G3BP2: variants seen among roughly 807,000 people sequenced by gnomAD.
G3BP2 encodes the protein G3BP stress granule assembly factor 2.
A neutral mutation model predicts 56.7 loss-of-function variants in G3BP2; 11 were observed. The ratio of observed to expected loss-of-function variants is 0.19; its 90% CI spans 0.12 to 0.32. The LOEUF (loss-of-function observed/expected upper bound fraction) is 0.32. Ranked by LOEUF, G3BP2 falls within the 10% of genes least tolerant of loss-of-function variation. The probability of loss-of-function intolerance (pLI) is 1.00; values close to 1 mark genes in which losing one functional copy is unlikely to be tolerated. For missense variants in G3BP2, 340 were observed against 610.9 expected (o/e 0.56, Z 4.67); for synonymous variants, 165 against 191.6 (o/e 0.86, Z 1.15).
chr4:75,654,496 T>C (rs1477813785), intron 7 of G3BP2, among the ~76,000 whole-genome samples: 1 of 152,204 alleles, frequency 6.6e-6, no homozygotes, highest in Non-Finnish European at 1.5e-5. Flanking sequence ...AACTCTGACA[T>C]TCACAAATTG....
intron 2 of G3BP2, among the ~76,000 whole-genome samples, chr4:75,721,517 C>T (rs111313404): frequency 0.012 from 1,816 of 152,234 alleles, 29 homozygotes; most frequent in African/African-American, 0.042. Flanking sequence ...CTTGGCCTCC[C>T]AAAGTGCTGG....
At chr4:75,717,330 C>T (rs552748981) in intron 3 of G3BP2, among the ~76,000 whole-genome samples, 258 of 152,182 alleles carry the variant, frequency 1.7e-3, no homozygotes, top group South Asian at 5.6e-3. Context: ...GTCCCAGCTA[C>T]GCAGGAGGCT....
At chr4:75,653,570 G>GTT (rs1201093120) in intron 8 of G3BP2, among the ~76,000 whole-genome samples, 5 of 72,384 alleles carry the variant, frequency 6.9e-5, no homozygotes, top group Admixed American at 3.0e-4. Flanking sequence ...AAGTTTCCTG[G>GTT]TTTTTTTTTT....
intron 3 of G3BP2, among the ~76,000 whole-genome samples, chr4:75,701,004 T>C (rs1719322687): frequency 6.7e-6 from 1 of 150,122 alleles, no homozygotes; most frequent in South Asian, 2.1e-4. Flanking sequence ...ACACCTGCTA[T>C]ATATTTTTTT....
At chr4:75,704,766 G>A (rs551252590) in intron 3 of G3BP2, among the ~76,000 whole-genome samples, 36 of 152,070 alleles carry the variant, frequency 2.4e-4, no homozygotes, top group Non-Finnish European at 4.3e-4. Flanking sequence ...CCAAATAGCT[G>A]GGATTACAGT....
chr4:75,671,156 AGT>A (rs1386230956), intron 1 of G3BP2, among the ~76,000 whole-genome samples: 1 of 152,190 alleles, frequency 6.6e-6, no homozygotes, highest in Non-Finnish European at 1.5e-5. Flanking sequence ...AGTGTCTACC[AGT>A]GGAGAGTAAC....
chr4:75,716,348 T>C (rs991728251), intron 3 of G3BP2, among the ~76,000 whole-genome samples: 1 of 151,982 alleles, frequency 6.6e-6, no homozygotes, highest in Non-Finnish European at 1.5e-5. Context: ...TAATTTTTTG[T>C]ATTTTTAGTA....
intron 3 of G3BP2, among the ~76,000 whole-genome samples, chr4:75,691,085 CTT>C (rs374004384): frequency 1.4e-5 from 2 of 145,160 alleles, no homozygotes. Context: ...TTCATTTATT[CTT>C]TTTTTTTTTT....
At chr4:75,691,883 C>T (rs530292070) in intron 3 of G3BP2, among the ~76,000 whole-genome samples, 55 of 152,226 alleles carry the variant, frequency 3.6e-4, no homozygotes, top group Admixed American at 7.2e-4. Flanking sequence ...CACATACACA[C>T]GCATACTCCT....
upstream of G3BP2, among the ~76,000 whole-genome samples, chr4:75,677,846 T>G (rs1290582115): frequency 6.6e-6 from 1 of 152,188 alleles, no homozygotes; most frequent in East Asian, 1.9e-4. Context: ...ATGTTGAAAC[T>G]TAATCTCCAA....
At chr4:75,677,949 G>A (rs191099227), upstream of G3BP2, among the ~76,000 whole-genome samples, 11 of 152,320 alleles carry the variant, frequency 7.2e-5, no homozygotes, top group East Asian at 1.2e-3. Context: ...GCTCATAAAA[G>A]GGGATTGAGG....
At chr4:75,669,507 A>C (rs1733314844) in intron 1 of G3BP2, among the ~76,000 whole-genome samples, 1 of 152,206 alleles carries the variant, frequency 6.6e-6, no homozygotes, top group South Asian at 2.1e-4. Context: ...TGTACTGAGT[A>C]AAATCCAAAC....
intron 3 of G3BP2, among the ~76,000 whole-genome samples, chr4:75,707,149 G>A (rs1719576983): frequency 6.7e-6 from 1 of 148,410 alleles, no homozygotes; most frequent in Non-Finnish European, 1.5e-5. Context: ...ACTCCAGCCT[G>A]GGCAACAAGG....
rs1560411027 is a variant in G3BP2, at chr4:75,681,345, T to TAA, written c.-24-19297_-24-19296insTT. Among the ~76,000 whole-genome samples the TAA allele has an allele frequency of 6.8e-4, 102 of 151,100 alleles. 1 individual carries two copies. Among genetic ancestry groups the TAA allele is most frequent in the South Asian group, 1.3e-3 (6 of 4,758 alleles). On this transcript the variant is annotated intron_variant, in intron 3 of 3. Coordinates refer to the G3BP2 transcript ENST00000499709. Reference sequence around the variant, plus strand: ...TCTCAAAAATAAATAAATAAATAAATATAGTCAAATTCAGAAGGAGGAGGA... The same window carrying TAA: ...TCTCAAAAATAAATAAATAAATAAATAAATAGTCAAATTCAGAAGGAGGAGGA...
chr4:75,708,290 C>T (rs971800998), intron 3 of G3BP2, among the ~76,000 whole-genome samples: 12 of 152,184 alleles, frequency 7.9e-5, no homozygotes, highest in Non-Finnish European at 7.3e-5. Context: ...CTAGCCCCTA[C>T]CATCAAGCCT....
chr4:75,710,984 T>G (rs1159711639), intron 3 of G3BP2, among the ~76,000 whole-genome samples: 11 of 152,112 alleles, frequency 7.2e-5, no homozygotes, highest in Non-Finnish European at 2.9e-5. Flanking sequence ...TTATTTTATT[T>G]TATCCTTTCT....
intron 8 of G3BP2, 45 bp downstream of exon 8, chr4:75,653,938 G>C (rs929596409): frequency 1.2e-6 from 1 of 827,014 alleles, no homozygotes; most frequent in African/African-American, 1.7e-5. Flanking sequence ...TAAGCAATTG[G>C]CAATGTAACA....
upstream of G3BP2, chr4:75,673,464 G>C (rs1009781583): frequency 1.6e-6 from 2 of 1,232,072 alleles, no homozygotes; most frequent in African/African-American, 3.1e-5. Flanking sequence ...TGCCGAAAGG[G>C]CCAGGGAACC....
intron 3 of G3BP2, among the ~76,000 whole-genome samples, chr4:75,682,112 C>T (rs1734099202): frequency 6.6e-6 from 1 of 151,992 alleles, no homozygotes; most frequent in African/African-American, 2.4e-5. Flanking sequence ...GAATGGTGTG[C>T]ACTTTCAAAC....
Sources: gnomAD v4.1 joint callset for allele counts (sites outside exome capture counted in the v4.1 genomes callset) on GRCh38, gnomAD v4.1.1 for gene constraint, MANE v1.5 for transcripts, NCBI Gene and HGNC (gene_info 2026-07-23, HGNC 2026-07-21) for gene names.